TMEM132D: variants seen among roughly 807,000 people sequenced by gnomAD.
The protein encoded by TMEM132D is mature OL transmembrane protein.
TMEM132D carries 21 observed loss-of-function variants against 62.3 expected under a neutral mutation model. That is an observed-to-expected ratio of 0.34 (90% CI 0.24 to 0.49). The LOEUF is 0.49. Among genes scored for constraint, TMEM132D ranks in the 20% least tolerant of loss-of-function variants. The pLI is 0.99. For synonymous variants in TMEM132D, 621 were observed against 575.6 expected (o/e 1.08, Z -1.13); for missense variants, 1,346 against 1,402.8 (o/e 0.96, Z 0.65).
intron 3 of TMEM132D, among the ~76,000 whole-genome samples, chr12:129,450,462 G>A (rs12370678): frequency 0.18 from 27,585 of 152,060 alleles, 2,903 homozygotes; most frequent in East Asian, 0.47. Context: ...AAAAGTTTTA[G>A]AAAAGAGTTT....
At chr12:129,207,070 T>C (rs971220222) in intron 5 of TMEM132D, among the ~76,000 whole-genome samples, 1 of 152,012 alleles carries the variant, frequency 6.6e-6, no homozygotes, top group African/African-American at 2.4e-5. Flanking sequence ...CCTATTAATA[T>C]ATAACAAACC....
intron 3 of TMEM132D, among the ~76,000 whole-genome samples, chr12:129,443,781 A>G (rs1593011056): frequency 1.3e-5 from 2 of 152,306 alleles, no homozygotes; most frequent in South Asian, 4.1e-4. Context: ...TCAGATCTGA[A>G]TATGAGTGTG....
At chr12:129,257,204 CTTTTTTT>C (rs10609616) in intron 4 of TMEM132D, among the ~76,000 whole-genome samples, 2 of 122,632 alleles carry the variant, frequency 1.6e-5, no homozygotes, top group Admixed American at 1.6e-4. Flanking sequence ...CTGTTTCTTT[CTTTTTTT>C]TTTTTTTTTT....
intron 4 of TMEM132D, among the ~76,000 whole-genome samples, chr12:129,236,382 G>C (rs1200782383): frequency 6.6e-6 from 1 of 151,718 alleles, no homozygotes; most frequent in Non-Finnish European, 1.5e-5. Flanking sequence ...AGGCGTGGTG[G>C]CGTGCGCCTG....
At chr12:129,605,604 T>TATACACAC (rs150550863) in intron 2 of TMEM132D, among the ~76,000 whole-genome samples, 32,241 of 106,356 alleles carry the variant, frequency 0.3, 5,634 homozygotes, top group Non-Finnish European at 0.39. Context: ...TATATATATA[T>TATACACAC]ACACACACAT....
At chr12:129,267,319 AGGCAACTTC>A (rs1209571879) in intron 4 of TMEM132D, among the ~76,000 whole-genome samples, 4 of 152,236 alleles carry the variant, frequency 2.6e-5, no homozygotes, top group African/African-American at 9.6e-5. Context: ...TTAAGCTGAT[AGGCAACTTC>A]GGCAAAGTCT....
intron 5 of TMEM132D, among the ~76,000 whole-genome samples, chr12:129,135,912 A>G (rs1042645480): frequency 6.6e-6 from 1 of 152,184 alleles, no homozygotes; most frequent in Non-Finnish European, 1.5e-5. Flanking sequence ...CACTAGCCAT[A>G]TTGGATTAAG....
intron 2 of TMEM132D, among the ~76,000 whole-genome samples, chr12:129,643,757 G>A (rs927285595): frequency 6.6e-6 from 1 of 151,988 alleles, no homozygotes; most frequent in African/African-American, 2.4e-5. Context: ...CCATCTGTCT[G>A]TTATCTACCT....
At chr12:129,480,223 A>T (rs1013575054) in intron 3 of TMEM132D, among the ~76,000 whole-genome samples, 2 of 152,248 alleles carry the variant, frequency 1.3e-5, no homozygotes, top group Admixed American at 6.5e-5. Flanking sequence ...AGGTGCATGG[A>T]GCTGCAGAGG....
At chr12:129,484,408 T>C (rs1566084666) in intron 3 of TMEM132D, among the ~76,000 whole-genome samples, 1 of 152,216 alleles carries the variant, frequency 6.6e-6, no homozygotes, top group African/African-American at 2.4e-5. Flanking sequence ...ATAGAGTAAT[T>C]AAATGTCTGC....
intron 1 of TMEM132D, among the ~76,000 whole-genome samples, chr12:129,874,026 G>A (rs375441566): frequency 5.2e-4 from 79 of 152,274 alleles, no homozygotes; most frequent in African/African-American, 1.6e-3. Flanking sequence ...CTGCTCAGAC[G>A]GGGATTACAA....
chr12:129,293,867 C>T (rs1216030856), intron 4 of TMEM132D, among the ~76,000 whole-genome samples: 1 of 152,162 alleles, frequency 6.6e-6, no homozygotes, highest in Non-Finnish European at 1.5e-5. Flanking sequence ...TGGCCCGGTT[C>T]CTAACCAGCC....
rs566677055 is a variant in TMEM132D at position 129,723,283 on chromosome 12, A to G, written c.80-22585T>C. ...GAGAAGCTCGGCATTTTGTCTAGAC[A>G]ATAGCAGCCAGCTCTTTAGTACCTC... On this transcript the variant is annotated intron_variant, in intron 1 of 8. Coordinates refer to ENST00000422113, the MANE Select transcript of TMEM132D (RefSeq NM_133448.3). Among the ~76,000 whole-genome samples the G allele has an allele frequency of 2.6e-5, 4 of 152,344 alleles. No homozygotes were observed. In the East Asian group the frequency reaches 5.8e-4, roughly 22 times the overall value.
At chr12:129,451,358 T>C (rs1873282021) in intron 3 of TMEM132D, among the ~76,000 whole-genome samples, 2 of 152,348 alleles carry the variant, frequency 1.3e-5, no homozygotes, top group South Asian at 4.1e-4. Flanking sequence ...TCTGTGCAAC[T>C]GCATAGCTGC....
At chr12:129,324,836 AAG>A (rs775215364) in intron 4 of TMEM132D, among the ~76,000 whole-genome samples, 1 of 152,214 alleles carries the variant, frequency 6.6e-6, no homozygotes, top group Non-Finnish European at 1.5e-5. Flanking sequence ...TCAAGAAAAA[AAG>A]AAAAAAAGTG....
chr12:129,378,734 C>T (rs1369968787), intron 3 of TMEM132D, among the ~76,000 whole-genome samples: 3 of 152,148 alleles, frequency 2.0e-5, no homozygotes, highest in Non-Finnish European at 4.4e-5. Flanking sequence ...TGAACTGTGG[C>T]AGAGCTGAGT....
intron 2 of TMEM132D, among the ~76,000 whole-genome samples, chr12:129,605,602 T>C (rs149295720): frequency 1.7e-5 from 1 of 59,220 alleles, no homozygotes; most frequent in Non-Finnish European, 3.8e-5. Context: ...TATATATATA[T>C]ATACACACAC....
chr12:129,559,424 A>C (rs928410430), intron 2 of TMEM132D, among the ~76,000 whole-genome samples: 1 of 152,220 alleles, frequency 6.6e-6, no homozygotes, highest in Admixed American at 6.5e-5. Context: ...GGGGTCTAAA[A>C]GGAGACGAGA....
intron 3 of TMEM132D, among the ~76,000 whole-genome samples, chr12:129,348,521 C>G (rs1869761170): frequency 6.6e-6 from 1 of 152,026 alleles, no homozygotes; most frequent in African/African-American, 2.4e-5. Context: ...CACATGGACA[C>G]AGGGAGGGGA....
Sources: gnomAD v4.1 joint callset for allele counts (sites outside exome capture counted in the v4.1 genomes callset) on GRCh38, gnomAD v4.1.1 for gene constraint, MANE v1.5 for transcripts, NCBI Gene and HGNC (gene_info 2026-07-23, HGNC 2026-07-21) for gene names.